Variants in PDE7B observed in about 807,000 individuals in gnomAD.
PDE7B encodes 3',5'-cyclic-AMP phosphodiesterase 7B.
A neutral mutation model predicts 56.2 loss-of-function variants in PDE7B; 29 were observed. The ratio of observed to expected loss-of-function variants is 0.52; its 90% CI spans 0.38 to 0.70. PDE7B has a LOEUF of 0.70. PDE7B is among the 30% of genes least tolerant of loss of function. The probability of loss-of-function intolerance (pLI) is 0.00; values close to 1 mark genes in which losing one functional copy is unlikely to be tolerated. For synonymous variants in PDE7B, 197 were observed against 196.9 expected, an observed-to-expected ratio of 1.00 and a Z score of 0.00; for missense variants, 490 against 565.0, an observed-to-expected ratio of 0.87 and a Z score of 1.35.
chr6:135,994,762 A>T (rs903056233), intron 2 of PDE7B, among the ~76,000 whole-genome samples: 4 of 152,244 alleles, frequency 2.6e-5, no homozygotes, highest in African/African-American at 7.2e-5. Flanking sequence ...AACTCCTCAT[A>T]ATAACTACAA....
chr6:136,164,319 G>C (rs1446211163), intron 8 of PDE7B, among the ~76,000 whole-genome samples: 1 of 152,160 alleles, frequency 6.6e-6, no homozygotes, highest in Admixed American at 6.5e-5. Context: ...CATGAGAACA[G>C]GTTGGGGGAC....
At position 136,088,216 on chromosome 6, in the gene PDE7B, T is replaced by C. The variant is rs183467257; in HGVS notation, c.83-20515T>C. Among the ~76,000 whole-genome samples, 383 of 152,246 alleles carry C rather than the reference T, an allele frequency of 2.5e-3. 5 individuals carry two copies. Among genetic ancestry groups the C allele is most frequent in the Admixed American group, 0.023 (344 of 15,286 alleles). ...AGATGGAGATTGATGTCATCAGAACTCAGCACAGGAAATAAAGATCTGAGT... is the reference window on the plus strand; with the variant it reads ...AGATGGAGATTGATGTCATCAGAACCCAGCACAGGAAATAAAGATCTGAGT... On this transcript the variant is annotated intron_variant, in intron 2 of 12. Coordinates refer to ENST00000308191, the MANE Select transcript of PDE7B (RefSeq NM_018945.4).
intron 3 of PDE7B, among the ~76,000 whole-genome samples, chr6:136,126,466 G>A (rs2128444026): frequency 1.3e-5 from 2 of 152,274 alleles, no homozygotes; most frequent in South Asian, 4.1e-4. Flanking sequence ...CTACCCAGAG[G>A]AAAAGAAGTT....
At chr6:135,871,525 A>T (rs995591477) in intron 1 of PDE7B, among the ~76,000 whole-genome samples, 2 of 152,160 alleles carry the variant, frequency 1.3e-5, no homozygotes, top group East Asian at 1.9e-4. Context: ...GTGGGGTGGG[A>T]GGAGCTAGGG....
At chr6:136,135,878 C>T (rs1483578929) in intron 3 of PDE7B, among the ~76,000 whole-genome samples, 2 of 152,082 alleles carry the variant, frequency 1.3e-5, no homozygotes, top group Non-Finnish European at 2.9e-5. Context: ...CAGAGAATGA[C>T]ATCCTTAGCA....
At chr6:135,900,121 T>C (rs1315651564) in intron 1 of PDE7B, among the ~76,000 whole-genome samples, 1 of 152,104 alleles carries the variant, frequency 6.6e-6, no homozygotes, top group Non-Finnish European at 1.5e-5. Flanking sequence ...TAAAAAAACA[T>C]TATCTTTTAA....
At chr6:135,979,644 C>G (rs1169092607) in intron 2 of PDE7B, among the ~76,000 whole-genome samples, 5 of 152,062 alleles carry the variant, frequency 3.3e-5, no homozygotes, top group Non-Finnish European at 7.4e-5. Flanking sequence ...TTCTTATACA[C>G]CAACAACAGA....
intron 1 of PDE7B, among the ~76,000 whole-genome samples, chr6:135,871,846 A>G (rs1775387974): frequency 1.3e-5 from 2 of 150,436 alleles, no homozygotes; most frequent in Non-Finnish European, 2.9e-5. Context: ...GAAAGATCTA[A>G]GTAACTATTA....
chr6:135,922,681 T>A (rs1774106505), intron 1 of PDE7B, among the ~76,000 whole-genome samples: 2 of 152,166 alleles, frequency 1.3e-5, no homozygotes, highest in African/African-American at 4.8e-5. Flanking sequence ...ATATATATTA[T>A]GAAACAATGA....
intron 2 of PDE7B, chr6:136,037,421 T>C (rs1776341909): frequency 1.0e-6 from 1 of 985,242 alleles, no homozygotes. Flanking sequence ...CCAGATAGGT[T>C]TGCCGAGAAC....
chr6:135,916,460 T>C (rs1773948830), intron 1 of PDE7B, among the ~76,000 whole-genome samples: 1 of 137,220 alleles, frequency 7.3e-6, no homozygotes. Context: ...TGGTGCAATC[T>C]CGGCTCACTG....
intron 10 of PDE7B, among the ~76,000 whole-genome samples, chr6:136,179,690 A>T (rs1403166723): frequency 6.6e-6 from 1 of 152,228 alleles, no homozygotes; most frequent in African/African-American, 2.4e-5. Context: ...AGCATATTAT[A>T]TTAACTATAG....
chr6:136,111,735 G>A (rs1353426844), intron 3 of PDE7B, among the ~76,000 whole-genome samples: 1 of 152,160 alleles, frequency 6.6e-6, no homozygotes, highest in African/African-American at 2.4e-5. Context: ...GACATTTGGG[G>A]ATTTTCTCGT....
chr6:136,035,653 G>C (rs1776314942), intron 2 of PDE7B, among the ~76,000 whole-genome samples: 1 of 152,100 alleles, frequency 6.6e-6, no homozygotes, highest in Non-Finnish European at 1.5e-5. Context: ...GTTCCTCCTT[G>C]GGAATGAAAA....
chr6:136,083,255 T>G (rs1485408804), intron 2 of PDE7B, among the ~76,000 whole-genome samples: 1 of 152,162 alleles, frequency 6.6e-6, no homozygotes, highest in Non-Finnish European at 1.5e-5. Context: ...TCCAAATAAG[T>G]TCTTCTTGGA....
intron 1 of PDE7B, among the ~76,000 whole-genome samples, chr6:135,917,615 A>G (rs924264360): frequency 6.7e-6 from 1 of 149,278 alleles, no homozygotes; most frequent in Non-Finnish European, 1.5e-5. Flanking sequence ...TTTTTTTTTT[A>G]TTGTTGTTGT....
chr6:136,051,184 T>C (rs1463168913), intron 2 of PDE7B, among the ~76,000 whole-genome samples: 1 of 152,156 alleles, frequency 6.6e-6, no homozygotes, highest in Non-Finnish European at 1.5e-5. Context: ...TTTTACTCCA[T>C]GCTCTCTGTA....
intron 9 of PDE7B, among the ~76,000 whole-genome samples, chr6:136,175,261 A>G (rs1198420600): frequency 1.3e-5 from 2 of 152,254 alleles, no homozygotes; most frequent in African/African-American, 4.8e-5. Context: ...AAACTTTATT[A>G]CAAAAGCCAT....
At chr6:135,908,282 C>T (rs1776151936) in intron 1 of PDE7B, among the ~76,000 whole-genome samples, 2 of 151,652 alleles carry the variant, frequency 1.3e-5, no homozygotes, top group African/African-American at 4.8e-5. Context: ...TAGGAGAGAC[C>T]GGGGTTTCTC....
Sources: gnomAD v4.1 joint callset for allele counts (sites outside exome capture counted in the v4.1 genomes callset) on GRCh38, gnomAD v4.1.1 for gene constraint, MANE v1.5 for transcripts, NCBI Gene and HGNC (gene_info 2026-07-23, HGNC 2026-07-21) for gene names.